Variants in FBXO10 observed in about 807,000 individuals in gnomAD.
FBXO10 encodes F-box protein 10, also known as F-box only protein 10.
In FBXO10, 39 loss-of-function variants were observed where a neutral mutation model predicts 80.7. The ratio of observed to expected loss-of-function variants is 0.48; its 90% confidence interval spans 0.37 to 0.63. The LOEUF (loss-of-function observed/expected upper bound fraction) is 0.63. Among genes scored for constraint, FBXO10 ranks in the 30% least tolerant of loss-of-function variants. The pLI, the probability that FBXO10 is intolerant of heterozygous loss-of-function variation, is 0.00. For synonymous variants in FBXO10, 449 were observed against 489.6 expected (o/e 0.92, Z 1.09); for missense variants, 1,025 against 1,269.0 (o/e 0.81, Z 2.92).
chr9:37,552,691 C>CAAAA (rs779389401), intron 1 of FBXO10, among the ~76,000 whole-genome samples: 52 of 95,208 alleles, frequency 5.5e-4, no homozygotes, highest in Admixed American at 7.0e-4. Flanking sequence ...GACTCCATAT[C>CAAAA]AAAAAAAAAA....
At chr9:37,520,400 T>C (rs899395865) in intron 8 of FBXO10, among the ~76,000 whole-genome samples, 4 of 140,980 alleles carry the variant, frequency 2.8e-5, no homozygotes, top group Non-Finnish European at 6.1e-5. Context: ...CGTGGTGCAA[T>C]CACACCTCAC....
chr9:37,537,400 G>T lies in FBXO10; in HGVS notation c.1129C>A (p.Gln377Lys), dbSNP rs766920142. Residue 377 changes from glutamine (Q) to lysine (K), a missense_variant, in exon 3 of 11, where the codon CAA becomes AAA. Physicochemically the swap from Gln to Lys is moderately conservative, Grantham distance 53 (BLOSUM62 1). Transcript: ENST00000432825. Reference protein sequence around the residue: ...EDQLMYRLSYQVQGPRPVLGG... With the variant: ...EDQLMYRLSYKVQGPRPVLGG... Reference sequence around the variant, plus strand: ...AATACAGGGCGTGGGCCCTGCACTTGGTAGGATAGTCTGTACATCAGCTGG... The same window carrying T: ...AATACAGGGCGTGGGCCCTGCACTTTGTAGGATAGTCTGTACATCAGCTGG... 8.1e-6 allele frequency: 13 copies of T among 1,597,778 alleles called. No homozygotes were observed. The South Asian group carries it at 1.2e-4, about 15-fold the overall frequency.
At chr9:37,546,806 G>A (rs554623869) in intron 1 of FBXO10, among the ~76,000 whole-genome samples, 6 of 151,194 alleles carry the variant, frequency 4.0e-5, no homozygotes, top group South Asian at 2.1e-4. Flanking sequence ...TCAGCCTCTC[G>A]AGTAGCTGGG....
At chr9:37,566,759 A>G (rs1234924442) in intron 1 of FBXO10, among the ~76,000 whole-genome samples, 1 of 152,236 alleles carries the variant, frequency 6.6e-6, no homozygotes, top group East Asian at 1.9e-4. Flanking sequence ...ATCGGAAATG[A>G]GACAAAACTT....
chr9:37,544,186 T>A (rs1821994630), intron 1 of FBXO10, among the ~76,000 whole-genome samples: 1 of 152,204 alleles, frequency 6.6e-6, no homozygotes. Context: ...GGAGAATTGC[T>A]TGAACCTGGG....
chr9:37,564,381 C>T (rs1298512750), intron 1 of FBXO10, among the ~76,000 whole-genome samples: 4 of 152,130 alleles, frequency 2.6e-5, no homozygotes, highest in South Asian at 2.1e-4. Context: ...AGAGTCTCCA[C>T]GGGGGCACTG....
At chr9:37,561,386 G>T (rs561170465) in intron 1 of FBXO10, among the ~76,000 whole-genome samples, 1 of 152,010 alleles carries the variant, frequency 6.6e-6, no homozygotes, top group Non-Finnish European at 1.5e-5. Context: ...AGAACTCAGA[G>T]TTTCTGTGTA....
intron 1 of FBXO10, among the ~76,000 whole-genome samples, chr9:37,554,385 A>G (rs1313826074): frequency 6.6e-6 from 1 of 152,116 alleles, no homozygotes; most frequent in Non-Finnish European, 1.5e-5. Context: ...GGCTCATCCT[A>G]CTTGTGGTGT....
At chr9:37,513,079 C>T (rs1038103875) in intron 10 of FBXO10, among the ~76,000 whole-genome samples, 1 of 152,188 alleles carries the variant, frequency 6.6e-6, no homozygotes, top group Non-Finnish European at 1.5e-5. Flanking sequence ...GATCCTCCCA[C>T]CTCAGCCTCC....
Position 37,537,345 on chromosome 9 carries a change from G to T in FBXO10, c.1184C>A (p.Pro395Gln). 6.2e-7 allele frequency: 1 copy of T among 1,603,214 alleles called. No individual in the cohort carries two copies. The highest frequency in any genetic ancestry group is 8.5e-7 in the Non-Finnish European group (1 of 1,174,356). Reference sequence around the variant, plus strand: ...GCTGGGCAGCTGAATGGATGCTCCTGGTAGAGGTGGGCCCAGAAATGAGCC... The same window carrying T: ...GCTGGGCAGCTGAATGGATGCTCCTTGTAGAGGTGGGCCCAGAAATGAGCC... ...LGGSFLGPPLPGASIQLPSCL... is the reference protein window; with the variant it reads ...LGGSFLGPPLQGASIQLPSCL... The change falls in exon 3 of 11, where the codon CCA (proline) becomes CAA (glutamine). Residue 395 changes from proline to glutamine, a missense_variant. By Grantham distance (76) the Pro-to-Gln change is moderately conservative. Around this residue, in one of 3 missense-constraint regions of FBXO10, gnomAD observed 478 missense variants for 667.8 expected, o/e 0.72. Transcript: ENST00000432825.
intron 10 of FBXO10, chr9:37,514,957 T>G (rs1821148639): frequency 6.6e-6 from 1 of 152,090 alleles, no homozygotes; most frequent in South Asian, 2.1e-4. Context: ...TGAAGATCCA[T>G]GAGAGGTTTT....
At position 37,553,505 on chromosome 9, in the gene FBXO10, T is replaced by A. The variant is rs1822258757; in HGVS notation, c.-6-11731A>T. On this transcript the variant is annotated intron_variant, in intron 1 of 10. Coordinates refer to ENST00000432825, the MANE Select transcript of FBXO10 (RefSeq NM_012166.3). ...ACCCCTGTACCCTCTGATAGCTTCC[T>A]TGCTATGTGGTATGGCTAGATAGCA... is the stretch of plus-strand genomic sequence containing the variant. Among the ~76,000 whole-genome samples the A allele has an allele frequency of 2.0e-5, 3 of 152,224 alleles. No homozygotes were observed. The South Asian group carries it at 6.2e-4, about 32-fold the overall frequency.
Position 37,517,992 on chromosome 9 carries a change from TCCTGGCAGGAGGGATACTGTC to T in FBXO10, c.2514+112_2514+132del. On this transcript the variant is annotated intron_variant, in intron 9 of 10. Transcript: ENST00000432825. Reference sequence around the variant, plus strand: ...TCCCACCCACATTTCCCAGGCTGAGTCCTGGCAGGAGGGATACTGTCCCTTGTAGTGCTGAGTGATTACGGT... The same window carrying T: ...TCCCACCCACATTTCCCAGGCTGAGTCCTTGTAGTGCTGAGTGATTACGGT... 5.2e-6 allele frequency: 5 copies of T among 957,272 alleles called. No individual in the cohort carries two copies. The South Asian group carries it at 8.5e-5, about 16-fold the overall frequency. The allele number at this position is 957,272 out of a possible 1,614,324, so 59.3% of individuals were successfully genotyped here. A position where few individuals can be genotyped will look rare whatever the true frequency, so the allele number is the denominator to read the frequency against.
chr9:37,535,082 T>A (rs1360930826), intron 3 of FBXO10, among the ~76,000 whole-genome samples: 1 of 152,044 alleles, frequency 6.6e-6, no homozygotes. Context: ...CAAAGGAAGA[T>A]CTGAAGCGGA....
chr9:37,519,858 C>T (rs1463745031), intron 8 of FBXO10, among the ~76,000 whole-genome samples: 5 of 151,886 alleles, frequency 3.3e-5, no homozygotes, highest in Non-Finnish European at 7.4e-5. Flanking sequence ...TGCTCTATTG[C>T]CCAGGCAGTA....
intron 1 of FBXO10, among the ~76,000 whole-genome samples, chr9:37,558,046 G>A (rs1822380279): frequency 6.6e-6 from 1 of 152,170 alleles, no homozygotes; most frequent in Non-Finnish European, 1.5e-5. Context: ...CGTCCCCACA[G>A]GCTGCTCTTG....
In FBXO10 at chr9:37,521,612, G is replaced by C. The variant is rs780580078; in HGVS notation, c.2157C>G (p.Ile719Met). 1.9e-6 allele frequency: 3 copies of C among 1,613,904 alleles called. No individual in the cohort carries two copies. The highest frequency in any genetic ancestry group is 1.7e-5 in the Admixed American group (1 of 60,012). ...EKEDDPLRRP[I>M]TIALVESNSI... is the part of the protein sequence containing the mutation. ...TGTTAGACTCAACAAGAGCTATGGT[G>C]ATGGGCCGGCGCAGTGGGTCGTCCT... The change falls in exon 8 of 11, where the codon ATC becomes ATG. Residue 719 changes from isoleucine (I) to methionine (M), a missense_variant. Ile to Met is a conservative substitution (Grantham distance 10). Transcript: ENST00000432825.
At chr9:37,566,393 G>A (rs1332566996) in intron 1 of FBXO10, among the ~76,000 whole-genome samples, 2 of 150,458 alleles carry the variant, frequency 1.3e-5, no homozygotes, top group African/African-American at 4.9e-5. Context: ...GGGAGGTGGA[G>A]GTTGCAGTGA....
intron 8 of FBXO10, among the ~76,000 whole-genome samples, 187 bp from the exon 9 acceptor site, chr9:37,518,625 G>T (rs1821246889): frequency 1.3e-5 from 2 of 152,178 alleles, no homozygotes; most frequent in African/African-American, 4.8e-5. Context: ...GGAAATCCAG[G>T]TGCGTCAACA....
Sources: gnomAD v4.1 joint callset for allele counts (sites outside exome capture counted in the v4.1 genomes callset) on GRCh38, gnomAD v4.1.1 for gene constraint, gnomAD v4.1.1 regional missense constraint, MANE v1.5 for transcripts, NCBI Gene and HGNC (gene_info 2026-07-23, HGNC 2026-07-21) for gene names.